Variants in MYOM1 observed in about 807,000 individuals in gnomAD.
MYOM1 encodes the protein myomesin-1.
A neutral mutation model predicts 205.3 loss-of-function variants in MYOM1; 164 were observed. That is an observed-to-expected ratio of 0.80 (90% CI 0.70 to 0.91). MYOM1 has a LOEUF of 0.91. MYOM1 is among the 40% of genes least tolerant of loss of function. The pLI is 0.00. For synonymous variants in MYOM1, 772 were observed against 789.4 expected (o/e 0.98, Z 0.37); for missense variants, 2,011 against 2,127.3 (o/e 0.95, Z 1.08).
chr18:3,244,936 C>CA, the MYOM1 span, among the ~76,000 whole-genome samples: 5,236 of 110,214 alleles, frequency 0.048, 135 homozygotes, highest in East Asian at 0.12. Flanking sequence ...AATAAAAATA[C>CA]AAAAAAAAAA....
intron 27 of MYOM1, 115 bp from the exon 28 acceptor site, chr18:3,089,711 AC>A: frequency 1.5e-6 from 1 of 679,818 alleles, no homozygotes; most frequent in Non-Finnish European, 2.3e-6. Flanking sequence ...CATTGTGACA[AC>A]CCTGCTCATT....
At chr18:3,113,290 G>A (rs1225009596) in intron 21 of MYOM1, among the ~76,000 whole-genome samples, 1 of 35,736 alleles carries the variant, frequency 2.8e-5, no homozygotes, top group Non-Finnish European at 6.5e-5. Context: ...GTGTGTATGT[G>A]TTTGTGTCTA....
rs1383760917 is a variant in MYOM1, at chr18:3,163,830, TTTGG to T, written c.1501+444_1501+447del. Among the ~76,000 whole-genome samples the T allele has an allele frequency of 3.4e-5, 5 of 147,088 alleles. No homozygotes were observed. The South Asian group carries it at 6.4e-4, about 19-fold the overall frequency. ...TCCTTTTTCTTTTCTTTCTTTTTTT[TTTGG>T]TTTTGTTTTGTTTTGTTTCATTTTG... is the stretch of plus-strand genomic sequence containing the variant. On this transcript the variant is annotated intron_variant, in intron 10 of 37. Coordinates refer to ENST00000356443, the MANE Select transcript of MYOM1 (RefSeq NM_003803.4).
the MYOM1 span, among the ~76,000 whole-genome samples, chr18:3,239,774 A>G: frequency 2.0e-5 from 3 of 150,724 alleles, no homozygotes; most frequent in East Asian, 5.8e-4. Context: ...AAAAAAAAAA[A>G]AAAAAAAAAG....
the MYOM1 span, among the ~76,000 whole-genome samples, chr18:3,235,394 C>T: frequency 6.6e-6 from 1 of 152,204 alleles, no homozygotes; most frequent in East Asian, 1.9e-4. Context: ...ATCCTCCATA[C>T]TATTACTAGA....
rs1286330379 is a variant in MYOM1 at position 3,129,333 on chromosome 18, T to G, written c.2693A>C (p.Lys898Thr). The part of the protein sequence containing the change: ...SQNLGQTEVS[K>T]VSETVQEELT... Reference sequence around the variant, plus strand: ...CTCTTCCTGAACTGTTTCACTTACTTTACTCACTTCTGTTTGGCCCAGGTT... The same window carrying G: ...CTCTTCCTGAACTGTTTCACTTACTGTACTCACTTCTGTTTGGCCCAGGTT... Residue 898 changes from lysine (K) to threonine (T), a missense_variant, in exon 18 of 38, where the codon AAA becomes ACA. Lys to Thr is a moderately conservative substitution (Grantham distance 78, BLOSUM62 -1). Transcript: ENST00000356443. 1 of 1,614,020 alleles carries G rather than the reference T, an allele frequency of 6.2e-7. No homozygotes were observed. The highest frequency in any genetic ancestry group is 1.7e-5 in the Admixed American group (1 of 60,028).
chr18:3,106,726 G>A (rs186038270), intron 22 of MYOM1, among the ~76,000 whole-genome samples: 1 of 152,330 alleles, frequency 6.6e-6, no homozygotes, highest in East Asian at 1.9e-4. Flanking sequence ...GGGAAGCTGA[G>A]GTAGGAGGAT....
In MYOM1 at chr18:3,215,164, C is replaced by T. The variant is rs530808406; in HGVS notation, c.60G>A (p.Lys20=). Reference sequence around the variant, plus strand: ...AGTGACTCACGGTGCTGCGCACGTCCTTGTTGCGGTAGCTGAGATCATAGT... The same window carrying T: ...AGTGACTCACGGTGCTGCGCACGTCTTTGTTGCGGTAGCTGAGATCATAGT... The part of the protein sequence containing the change: ...HQHYDLSYRN[K]DVRSTVSHYQ... Residue 20 remains lysine, a synonymous_variant, in exon 2 of 38, where the codon AAG becomes AAA. Coordinates refer to ENST00000356443, the MANE Select transcript of MYOM1 (RefSeq NM_003803.4). 5.0e-6 allele frequency: 8 copies of T among 1,613,574 alleles called. No individual in the cohort carries two copies. The highest frequency in any genetic ancestry group is 6.8e-6 in the Non-Finnish European group (8 of 1,179,754).
intron 23 of MYOM1, among the ~76,000 whole-genome samples, chr18:3,101,853 T>C (rs2079380314): frequency 6.6e-6 from 1 of 152,086 alleles, no homozygotes. Flanking sequence ...TAAGAGTTGT[T>C]AGTATTTATT....
At chr18:3,071,655 C>T (rs2078959975) in intron 37 of MYOM1, among the ~76,000 whole-genome samples, 179 bp downstream of exon 37, 1 of 152,210 alleles carries the variant, frequency 6.6e-6, no homozygotes, top group South Asian at 2.1e-4. Context: ...TCGTGCCTGG[C>T]CAGAAAACTG....
chr18:3,178,302 A>C (rs909195351), intron 5 of MYOM1, among the ~76,000 whole-genome samples: 2 of 152,058 alleles, frequency 1.3e-5, no homozygotes, highest in African/African-American at 4.8e-5. Context: ...TTTTAACCTC[A>C]TTTTCCAGAT....
At chr18:3,137,767 A>G (rs1367368451) in intron 14 of MYOM1, among the ~76,000 whole-genome samples, 2 of 152,220 alleles carry the variant, frequency 1.3e-5, no homozygotes, top group Non-Finnish European at 2.9e-5. Context: ...GACTATAGTT[A>G]TCAGTAATTT....
chr18:3,081,145 A>AG (rs1491095146), intron 33 of MYOM1, among the ~76,000 whole-genome samples: 1 of 149,952 alleles, frequency 6.7e-6, no homozygotes, highest in Non-Finnish European at 1.5e-5. Context: ...AAAAAAAAAA[A>AG]GAGAGAGAGT....
intron 2 of MYOM1, among the ~76,000 whole-genome samples, chr18:3,205,616 G>A (rs998524047): frequency 3.9e-5 from 6 of 152,122 alleles, no homozygotes; most frequent in Admixed American, 6.5e-5. Context: ...ACATTTTTGT[G>A]GGAAGGTAAA....
chr18:3,174,048 A>AT, intron 7 of MYOM1, 48 bp from the exon 8 acceptor site: 1 of 1,608,402 alleles, frequency 6.2e-7, no homozygotes, highest in Middle Eastern at 1.7e-4. Flanking sequence ...TGATCGATTT[A>AT]TTTTAAAACC....
intron 18 of MYOM1, among the ~76,000 whole-genome samples, chr18:3,127,298 TATATA>T (rs1286058494): frequency 1.2e-4 from 6 of 50,062 alleles, no homozygotes; most frequent in Admixed American, 4.0e-4. Flanking sequence ...TATATATATA[TATATA>T]TATTTTTTTT....
chr18:3,159,415 G>A (rs1048065266), intron 10 of MYOM1, among the ~76,000 whole-genome samples: 5 of 152,008 alleles, frequency 3.3e-5, no homozygotes, highest in East Asian at 1.9e-4. Flanking sequence ...TGAATACAAA[G>A]TTTTTTTAAA....
intron 2 of MYOM1, among the ~76,000 whole-genome samples, chr18:3,214,723 G>T (rs1275331263): frequency 6.6e-6 from 1 of 152,130 alleles, no homozygotes; most frequent in Non-Finnish European, 1.5e-5. Context: ...CTCGGGAGGC[G>T]GAGGCAGGAG....
intron 18 of MYOM1, among the ~76,000 whole-genome samples, chr18:3,127,826 A>C (rs1232741178): frequency 6.6e-6 from 1 of 152,174 alleles, no homozygotes; most frequent in Non-Finnish European, 1.5e-5. Context: ...CATTATTTTT[A>C]ATCTGATGTT....
Sources: gnomAD v4.1 joint callset for allele counts (sites outside exome capture counted in the v4.1 genomes callset) on GRCh38, gnomAD v4.1.1 for gene constraint, MANE v1.5 for transcripts, NCBI Gene and HGNC (gene_info 2026-07-23, HGNC 2026-07-21) for gene names.